DLG2: variants seen among roughly 807,000 people sequenced by gnomAD.
The protein encoded by DLG2 is disks large homolog 2.
In DLG2, 45 loss-of-function variants were observed where a neutral mutation model predicts 132.5. The ratio of observed to expected loss-of-function variants is 0.34; its 90% confidence interval spans 0.27 to 0.44. The LOEUF (loss-of-function observed/expected upper bound fraction) is 0.44. DLG2 is among the 20% of genes least tolerant of loss of function. DLG2 has a pLI of 1.00. For missense variants in DLG2, 1,045 were observed against 1,196.9 expected (o/e 0.87, Z 1.87); for synonymous variants, 424 against 419.6 (o/e 1.01, Z -0.13).
At chr11:84,952,243 C>T (rs1182883666) in intron 6 of DLG2, among the ~76,000 whole-genome samples, 1 of 152,204 alleles carries the variant, frequency 6.6e-6, no homozygotes, top group Admixed American at 6.5e-5. Context: ...TTTCTCAGTG[C>T]TTAAGAATAA....
Position 84,910,329 on chromosome 11 carries a change from T to C in DLG2, c.357+201332A>G, listed in dbSNP as rs546113199. Among the ~76,000 whole-genome samples the C allele has an allele frequency of 1.5e-4, 23 of 152,374 alleles. No homozygotes were observed. In the South Asian group the frequency reaches 4.8e-3, roughly 32 times the overall value. On this transcript the variant is annotated intron_variant, in intron 6 of 27. Coordinates refer to ENST00000376104, the MANE Select transcript of DLG2 (RefSeq NM_001142699.3). Reference sequence around the variant, plus strand: ...TGGTGAAGCTTCAATTTTTCTTTAATGTATTTTGAATTTTTCTTATCTGCT... The same window carrying C: ...TGGTGAAGCTTCAATTTTTCTTTAACGTATTTTGAATTTTTCTTATCTGCT...
At chr11:84,853,548 T>C (rs543359022) in intron 6 of DLG2, among the ~76,000 whole-genome samples, 1 of 152,046 alleles carries the variant, frequency 6.6e-6, no homozygotes, top group Non-Finnish European at 1.5e-5. Context: ...TTATCTGTTC[T>C]CTCATGTATT....
At chr11:84,388,588 A>G (rs969790490) in intron 7 of DLG2, among the ~76,000 whole-genome samples, 2 of 152,030 alleles carry the variant, frequency 1.3e-5, no homozygotes, top group Non-Finnish European at 2.9e-5. Flanking sequence ...GATTACAATT[A>G]TTTCAGTACC....
At chr11:83,597,844 A>T (rs1160752476) in intron 19 of DLG2, among the ~76,000 whole-genome samples, 1 of 152,208 alleles carries the variant, frequency 6.6e-6, no homozygotes, top group Non-Finnish European at 1.5e-5. Flanking sequence ...GGCTTATAGA[A>T]TAAAAATAAA....
intron 9 of DLG2, among the ~76,000 whole-genome samples, chr11:84,107,711 G>A (rs2093064902): frequency 6.6e-6 from 1 of 152,154 alleles, no homozygotes; most frequent in African/African-American, 2.4e-5. Flanking sequence ...TAAGGTGGAA[G>A]AAATTAAAGG....
At chr11:84,815,158 T>C (rs956062691) in intron 6 of DLG2, among the ~76,000 whole-genome samples, 1 of 152,134 alleles carries the variant, frequency 6.6e-6, no homozygotes, top group African/African-American at 2.4e-5. Context: ...TCAAACTGTT[T>C]GTAGGAAATA....
chr11:84,557,941 C>A (rs1257193305), intron 6 of DLG2, among the ~76,000 whole-genome samples: 2 of 152,006 alleles, frequency 1.3e-5, no homozygotes, highest in Non-Finnish European at 2.9e-5. Context: ...AAACTATCAG[C>A]AACATATGAG....
chr11:85,125,981 G>T (rs1461615963), intron 5 of DLG2, among the ~76,000 whole-genome samples: 3 of 151,968 alleles, frequency 2.0e-5, no homozygotes, highest in Admixed American at 1.3e-4. Flanking sequence ...TGTACTCCAA[G>T]AATACATAAA....
At chr11:84,807,265 G>A (rs117158107) in intron 6 of DLG2, among the ~76,000 whole-genome samples, 11,986 of 152,162 alleles carry the variant, frequency 0.079, 531 homozygotes, top group Non-Finnish European at 0.097. Context: ...GGCTAACGTG[G>A]TGAAACCTCG....
chr11:84,113,944 C>T (rs1356759100), intron 9 of DLG2, among the ~76,000 whole-genome samples: 1 of 151,940 alleles, frequency 6.6e-6, no homozygotes, highest in Non-Finnish European at 1.5e-5. Context: ...CTGCCTTTCT[C>T]CATTCACAGA....
At chr11:85,001,460 A>G (rs77006127) in intron 6 of DLG2, among the ~76,000 whole-genome samples, 1,697 of 152,294 alleles carry the variant, frequency 0.011, 32 homozygotes, top group African/African-American at 0.039. Flanking sequence ...GTCTTTACAG[A>G]CCATGCTATG....
chr11:83,525,563 G>T (rs1330827048), intron 21 of DLG2, among the ~76,000 whole-genome samples: 1 of 152,136 alleles, frequency 6.6e-6, no homozygotes, highest in Non-Finnish European at 1.5e-5. Flanking sequence ...GTGTTAGAAG[G>T]CTTGGAATAA....
chr11:84,482,634 C>T (rs554039796), intron 7 of DLG2, among the ~76,000 whole-genome samples: 3 of 152,246 alleles, frequency 2.0e-5, no homozygotes, highest in Admixed American at 6.5e-5. Context: ...TAATATAATG[C>T]CTAAGCATGG....
At chr11:83,920,711 G>T (rs1441780920) in intron 15 of DLG2, among the ~76,000 whole-genome samples, 1 of 151,288 alleles carries the variant, frequency 6.6e-6, no homozygotes, top group African/African-American at 2.4e-5. Flanking sequence ...ATCCTTATAG[G>T]TACCCCATGA....
intron 6 of DLG2, among the ~76,000 whole-genome samples, chr11:84,607,240 T>C (rs1459544395): frequency 2.0e-5 from 3 of 152,158 alleles, no homozygotes; most frequent in Non-Finnish European, 4.4e-5. Flanking sequence ...CGATAACTAT[T>C]ATATATTTTA....
At chr11:85,527,596 T>A (rs919235449) in intron 3 of DLG2, among the ~76,000 whole-genome samples, 3 of 152,194 alleles carry the variant, frequency 2.0e-5, no homozygotes, top group Admixed American at 1.3e-4. Context: ...CAGTCTATCA[T>A]TGATGGGCAT....
At chr11:84,573,865 C>T (rs1263570131) in intron 6 of DLG2, among the ~76,000 whole-genome samples, 2 of 152,148 alleles carry the variant, frequency 1.3e-5, no homozygotes, top group Admixed American at 1.3e-4. Flanking sequence ...CTGGCAAACT[C>T]TGAGTCATGC....
chr11:83,949,183 G>A lies in DLG2; in HGVS notation c.1340+13702C>T, dbSNP rs537861541. On this transcript the variant is annotated intron_variant, in intron 14 of 27. Coordinates refer to ENST00000376104, the MANE Select transcript of DLG2 (RefSeq NM_001142699.3). Reference sequence around the variant, plus strand: ...CTCTAATGGGTTTAAAAGCACTGTAGAAACCAAGTAAACTAACTGAGATTG... The same window carrying A: ...CTCTAATGGGTTTAAAAGCACTGTAAAAACCAAGTAAACTAACTGAGATTG... Among the ~76,000 whole-genome samples the A allele has an allele frequency of 2.6e-5, 4 of 152,158 alleles. No homozygotes were observed. The South Asian group carries it at 8.3e-4, about 32-fold the overall frequency.
chr11:85,322,399 C>G (rs1424032237), intron 3 of DLG2, among the ~76,000 whole-genome samples: 2 of 152,116 alleles, frequency 1.3e-5, no homozygotes, highest in African/African-American at 4.8e-5. Context: ...TTTGCCTAAC[C>G]TATACTAGCA....
Sources: allele counts gnomAD v4.1 joint callset (sites outside exome capture counted in the v4.1 genomes callset), GRCh38; gene constraint gnomAD v4.1.1; transcripts MANE v1.5; gene names NCBI Gene and HGNC (gene_info 2026-07-23, HGNC 2026-07-21).